The following NOTCH2NLB variants were observed in gnomAD, a reference collection of about 807,000 sequenced individuals.
NOTCH2NLB encodes the protein notch 2 N-terminal like B.
NOTCH2NLB carries 1 observed loss-of-function variant against 14.8 expected under a neutral mutation model. The observed-to-expected ratio is 0.07, with a 90% CI of 0.02 to 0.32. The LOEUF is 0.32. Among genes scored for constraint, NOTCH2NLB ranks in the 10% least tolerant of loss-of-function variants. NOTCH2NLB has a pLI of 1.00. For missense variants in NOTCH2NLB, 11 were observed against 155.0 expected, an observed-to-expected ratio of 0.07 and a Z score of 4.93; for synonymous variants, 6 against 57.5, an observed-to-expected ratio of 0.10 and a Z score of 4.05.
intron 3 of NOTCH2NLB, among the ~76,000 whole-genome samples, chr1:148,610,323 G>GAAAGAA (rs1485448160): frequency 2.2e-5 from 1 of 45,564 alleles, no homozygotes; most frequent in African/African-American, 1.1e-4. Context: ...GAGAAAGAGA[G>GAAAGAA]AGAAAGAAAG....
At chr1:148,688,414 ACT>A in the NOTCH2NLB span, among the ~76,000 whole-genome samples, 1 of 70,794 alleles carries the variant, frequency 1.4e-5, no homozygotes, top group Non-Finnish European at 2.9e-5. Flanking sequence ...GCCTCCTGAG[ACT>A]CTCTCACGGC....
At chr1:148,625,390 C>T (rs1434022614) in intron 2 of NOTCH2NLB, among the ~76,000 whole-genome samples, 9 of 84,182 alleles carry the variant, frequency 1.1e-4, no homozygotes, top group Admixed American at 2.4e-4. Flanking sequence ...CAAGAAACAA[C>T]AACAATAACA....
downstream of NOTCH2NLB, among the ~76,000 whole-genome samples, chr1:148,602,466 C>CT (rs1379322074): frequency 6.7e-6 from 1 of 148,878 alleles, no homozygotes; most frequent in Non-Finnish European, 1.5e-5. Context: ...CTGCTTCCAC[C>CT]TGCGTCCCTT....
At chr1:148,638,344 C>T (rs1480723401) in intron 2 of NOTCH2NLB, among the ~76,000 whole-genome samples, 2 of 149,174 alleles carry the variant, frequency 1.3e-5, no homozygotes, top group Admixed American at 1.3e-4. Context: ...AAGACTAAGA[C>T]CTCACATTCT....
intron 1 of NOTCH2NLB, among the ~76,000 whole-genome samples, chr1:148,651,143 A>AGG (rs1177695219): frequency 1.0e-2 from 510 of 51,236 alleles, no homozygotes; most frequent in South Asian, 0.025. Flanking sequence ...ACTCTGCCTG[A>AGG]GAAAAAAAAA....
At chr1:148,658,769 CCCAGG>C (rs1664577570) in intron 1 of NOTCH2NLB, among the ~76,000 whole-genome samples, 2 of 139,462 alleles carry the variant, frequency 1.4e-5, no homozygotes, top group African/African-American at 5.3e-5. Flanking sequence ...TGCTATGTTT[CCCAGG>C]TTAGTCTCAA....
rs878968114 is a variant in NOTCH2NLB at position 148,654,769 on chromosome 1, G to A, written c.4-14680C>T. ...GAGATAAATTAAAATAAAGTTTTAA[G>A]CTATAATAAGTCTATAATAAATAAT... On this transcript the variant is annotated intron_variant, in intron 1 of 4. Transcript: ENST00000593495. Among the ~76,000 whole-genome samples the A allele has an allele frequency of 1.9e-3, 179 of 95,438 alleles. 25 individuals are homozygous for A. The highest frequency in any genetic ancestry group is 3.8e-3 in the African/African-American group (112 of 29,708). The allele number at this position is 95,438 out of a possible 152,430, so 62.6% of individuals were successfully genotyped here.
rs1282601338 is a variant in NOTCH2NLB, at chr1:148,610,005, G to A, written c.338-2260C>T. Among the ~76,000 whole-genome samples, 327 of 143,404 alleles carry A rather than the reference G, an allele frequency of 2.3e-3. 56 individuals are homozygous for A. The highest frequency in any genetic ancestry group is 8.0e-3 in the African/African-American group (294 of 36,628). The allele number at this position is 143,404 out of a possible 152,430, so 94.1% of individuals were successfully genotyped here. A position where few individuals can be genotyped will look rare whatever the true frequency, so the allele number is the denominator to read the frequency against. On this transcript the variant is annotated intron_variant, in intron 3 of 4. Coordinates refer to ENST00000593495, the Ensembl canonical transcript of NOTCH2NLB. ...CCACAACTGAAACAGAAAGATCCCC[G>A]GACCGGAAGTGGTGGCTGATGCCTG...
intron 3 of NOTCH2NLB, among the ~76,000 whole-genome samples, chr1:148,610,841 C>A (rs1291692429): frequency 5.1e-4 from 17 of 33,178 alleles, no homozygotes; most frequent in African/African-American, 2.8e-3. Context: ...TTGCAGTGAA[C>A]CGAGATTGCA....
In NOTCH2NLB at chr1:148,625,443, A is replaced by C. The variant is rs1254019793; in HGVS notation, c.78-9493T>G. Among the ~76,000 whole-genome samples, 2 of 96,310 alleles carry C rather than the reference A, an allele frequency of 2.1e-5. 1 individual carries two copies. Among genetic ancestry groups the C allele is most frequent in the African/African-American group, 1.0e-4 (2 of 20,054 alleles). The allele number at this position is 96,310 out of a possible 152,430, so 63.2% of individuals were successfully genotyped here. On this transcript the variant is annotated intron_variant, in intron 2 of 4. Coordinates refer to ENST00000593495, the Ensembl canonical transcript of NOTCH2NLB. ...CACATACAAGAAGAAAAAGAGAGGCATGCTTTACAAAACAGCTATTTCAAA... is the reference window on the plus strand; with the variant it reads ...CACATACAAGAAGAAAAAGAGAGGCCTGCTTTACAAAACAGCTATTTCAAA...
At chr1:148,651,085 A>G (rs1489845442) in intron 1 of NOTCH2NLB, among the ~76,000 whole-genome samples, 2 of 126,242 alleles carry the variant, frequency 1.6e-5, no homozygotes, top group Non-Finnish European at 1.7e-5. Context: ...GGAGCTTGCA[A>G]TGAGCCGAGA....
intron 1 of NOTCH2NLB, among the ~76,000 whole-genome samples, chr1:148,670,539 A>AATATATATATATACATATATATATATAT (rs1664750054): frequency 1.1e-5 from 1 of 93,482 alleles, no homozygotes; most frequent in Non-Finnish European, 2.1e-5. Flanking sequence ...TAAAAAAAAA[A>AATATATATATATACATATATATATATAT]ATATATATAT....
At position 148,679,756 on chromosome 1, in the gene NOTCH2NLB, T is replaced by C; in HGVS notation, c.-292A>G. Reference sequence around the variant, plus strand: ...CGCCCGAAGTTTGGCTGAAACTTTCTCGGGTGTGCAGCGAAGCAGCCTCGT... The same window carrying C: ...CGCCCGAAGTTTGGCTGAAACTTTCCCGGGTGTGCAGCGAAGCAGCCTCGT... On this transcript the variant is annotated 5_prime_UTR_variant, in exon 1 of 5. Transcript: ENST00000593495. 3 of 858,502 alleles carry C rather than the reference T, an allele frequency of 3.5e-6. No individual in the cohort carries two copies. Among genetic ancestry groups the C allele is most frequent in the Non-Finnish European group, 4.5e-6 (3 of 669,266 alleles). 53.2% of individuals were successfully genotyped at this position (858,502 alleles called of 1,614,324 possible). A position where few individuals can be genotyped will look rare whatever the true frequency, so the allele number is the denominator to read the frequency against.
At chr1:148,703,305 C>A in the NOTCH2NLB span, among the ~76,000 whole-genome samples, 3 of 132,802 alleles carry the variant, frequency 2.3e-5, no homozygotes, top group Non-Finnish European at 4.9e-5. Context: ...AAAAAAAAAT[C>A]AATGTTACAA....
downstream of NOTCH2NLB, among the ~76,000 whole-genome samples, chr1:148,605,033 C>T (rs1159293789): frequency 1.4e-5 from 2 of 141,882 alleles, no homozygotes; most frequent in Non-Finnish European, 3.1e-5. Flanking sequence ...TTAGGAGTGT[C>T]TTGGTTTTCT....
At chr1:148,712,453 G>T in the NOTCH2NLB span, among the ~76,000 whole-genome samples, 1 of 152,388 alleles carries the variant, frequency 6.6e-6, no homozygotes, top group African/African-American at 2.4e-5. Flanking sequence ...GGGCTTTCCT[G>T]GGAATATGTG....
intron 1 of NOTCH2NLB, among the ~76,000 whole-genome samples, chr1:148,651,160 A>T (rs1467405534): frequency 0.02 from 888 of 44,896 alleles, no homozygotes; most frequent in African/African-American, 0.051. Flanking sequence ...AAAAAAAAAA[A>T]AAATATATAT....
the NOTCH2NLB span, among the ~76,000 whole-genome samples, chr1:148,691,806 T>C: frequency 7.0e-5 from 6 of 85,572 alleles, 1 homozygote; most frequent in South Asian, 3.0e-3. Flanking sequence ...TCTCACTCTT[T>C]TAGTTCACAG....
At chr1:148,605,061 T>C (rs1326618293), downstream of NOTCH2NLB, among the ~76,000 whole-genome samples, 5 of 140,172 alleles carry the variant, frequency 3.6e-5, no homozygotes. Flanking sequence ...TGAACATATA[T>C]TTTTAACCCA....
Sources: gnomAD v4.1 joint callset for allele counts (sites outside exome capture counted in the v4.1 genomes callset) on GRCh38, gnomAD v4.1.1 for gene constraint, MANE v1.5 for transcripts, NCBI Gene and HGNC (gene_info 2026-07-23, HGNC 2026-07-21) for gene names.